Variants in PTBP2 observed in about 807,000 individuals in gnomAD.
PTBP2 encodes the protein polypyrimidine tract-binding protein 2.
Under a neutral mutation model 61.4 loss-of-function variants are expected in PTBP2, and 13 were observed. That is an observed-to-expected ratio of 0.21 (90% confidence interval 0.14 to 0.34). The LOEUF (loss-of-function observed/expected upper bound fraction) is 0.34. Among genes scored for constraint, PTBP2 ranks in the 10% least tolerant of loss-of-function variants. PTBP2 has a pLI of 1.00. For synonymous variants in PTBP2, 215 were observed against 218.5 expected (o/e 0.98, Z 0.14); for missense variants, 405 against 642.6 (o/e 0.63, Z 4.00).
chr1:96,741,282 G>C (rs1390052908), intron 2 of PTBP2, among the ~76,000 whole-genome samples: 1 of 151,816 alleles, frequency 6.6e-6, no homozygotes, highest in African/African-American at 2.4e-5. Context: ...TGTTTTGAGA[G>C]ACAGAGTCTC....
chr1:96,722,426 G>A (rs1198166774), intron 1 of PTBP2, among the ~76,000 whole-genome samples: 3 of 151,706 alleles, frequency 2.0e-5, no homozygotes, highest in Admixed American at 6.6e-5. Flanking sequence ...AAAGCCTAGT[G>A]GGAGCCGCTG....
chr1:96,761,671 A>T (rs1276108626), intron 3 of PTBP2, among the ~76,000 whole-genome samples: 1 of 152,184 alleles, frequency 6.6e-6, no homozygotes, highest in Non-Finnish European at 1.5e-5. Context: ...GGGGAAAAGT[A>T]GGAAAAGGAG....
intron 8 of PTBP2, among the ~76,000 whole-genome samples, chr1:96,794,222 C>T (rs529955465): frequency 6.6e-6 from 1 of 152,182 alleles, no homozygotes; most frequent in South Asian, 2.1e-4. Context: ...TTTTTAAGGC[C>T]AAACAGCCTA....
At chr1:96,727,325 C>T (rs1328551914) in intron 2 of PTBP2, among the ~76,000 whole-genome samples, 3 of 151,708 alleles carry the variant, frequency 2.0e-5, no homozygotes, top group South Asian at 2.1e-4. Context: ...TATTGTTTTC[C>T]GTTTTGAGCT....
Position 96,813,265 on chromosome 1 carries a change from T to G in PTBP2, c.1467-11T>G, listed in dbSNP as rs1662249792. On this transcript the variant is annotated splice_polypyrimidine_tract_variant and intron_variant, in intron 13 of 13. Transcript: ENST00000674951. ...TATGAAGTGTCTAATTTTATAATTT[T>G]GTTTCAGAAGAGATCACAAAATGGC... is the stretch of plus-strand genomic sequence containing the variant. The G allele has an allele frequency of 1.3e-6, 2 of 1,584,340 alleles. No homozygotes were observed. The highest frequency in any genetic ancestry group is 8.5e-7 in the Non-Finnish European group (1 of 1,171,800).
chr1:96,723,450 T>C lies in PTBP2; in HGVS notation c.9-114T>C, dbSNP rs148386635. On this transcript the variant is annotated intron_variant, in intron 1 of 13. Coordinates refer to ENST00000674951, the MANE Select transcript of PTBP2 (RefSeq NM_021190.4). ...GTGGTATTTTTTATCCCCATCTGTG[T>C]GTGAGTGGCTGGAAGATTTATGAAT... 7.2e-4 allele frequency: 554 copies of C among 774,656 alleles called. 6 individuals carry two copies. The African/African-American group carries it at 8.4e-3, about 12-fold the overall frequency. The allele number at this position is 774,656 out of a possible 1,614,324, so 48.0% of individuals were successfully genotyped here.
intron 11 of PTBP2, among the ~76,000 whole-genome samples, chr1:96,809,512 T>A (rs1661832618): frequency 1.4e-5 from 2 of 146,160 alleles, no homozygotes; most frequent in Admixed American, 1.3e-4. Context: ...GTCAGAAGTT[T>A]GTTTGTTTGT....
intron 3 of PTBP2, among the ~76,000 whole-genome samples, chr1:96,753,981 CTGTT>C (rs992552719): frequency 7.9e-5 from 12 of 152,136 alleles, no homozygotes; most frequent in African/African-American, 2.4e-4. Flanking sequence ...AAACATCTAT[CTGTT>C]TGAGATAGTA....
At chr1:96,730,940 T>C (rs907454036) in intron 2 of PTBP2, among the ~76,000 whole-genome samples, 20 of 152,178 alleles carry the variant, frequency 1.3e-4, no homozygotes, top group Admixed American at 1.3e-3. Flanking sequence ...TGCTTGATTG[T>C]TTGGTGTTGT....
intron 8 of PTBP2, among the ~76,000 whole-genome samples, chr1:96,786,413 T>TA (rs1397163074): frequency 6.6e-6 from 1 of 152,132 alleles, no homozygotes; most frequent in African/African-American, 2.4e-5. Flanking sequence ...TTAGGTCACT[T>TA]ACACTCTTTC....
intron 7 of PTBP2, among the ~76,000 whole-genome samples, chr1:96,782,166 A>G (rs1003951342): frequency 3.3e-5 from 5 of 151,922 alleles, no homozygotes; most frequent in African/African-American, 1.2e-4. Context: ...ACATGTCTTT[A>G]TTAGGAATAT....
intron 3 of PTBP2, 24 bp from the exon 4 acceptor site, chr1:96,769,679 G>T: frequency 6.7e-7 from 1 of 1,490,216 alleles, no homozygotes; most frequent in Non-Finnish European, 9.0e-7. Flanking sequence ...TGATATATAA[G>T]GACTGTTTTT....
intron 2 of PTBP2, among the ~76,000 whole-genome samples, chr1:96,745,280 A>G (rs1653602635): frequency 1.3e-5 from 2 of 151,874 alleles, no homozygotes; most frequent in Admixed American, 6.6e-5. Context: ...CTCCTGCCTC[A>G]GCCTCCCGAG....
intron 8 of PTBP2, among the ~76,000 whole-genome samples, chr1:96,791,826 C>CTTTTTTTTGTTTTTTTTTTTTT (rs1482989030): frequency 4.5e-5 from 3 of 66,128 alleles, no homozygotes; most frequent in African/African-American, 8.2e-5. Flanking sequence ...TGGAGTTGTG[C>CTTTTTTTTGTTTTTTTTTTTTT]TTTTTTTTTT....
intron 2 of PTBP2, among the ~76,000 whole-genome samples, chr1:96,745,911 C>G (rs1016222420): frequency 6.6e-6 from 1 of 151,808 alleles, no homozygotes; most frequent in Non-Finnish European, 1.5e-5. Context: ...ACTAAAAATA[C>G]CATAATTAGC....
At chr1:96,772,096 C>G (rs1657448727) in intron 5 of PTBP2, among the ~76,000 whole-genome samples, 1 of 151,974 alleles carries the variant, frequency 6.6e-6, no homozygotes, top group Non-Finnish European at 1.5e-5. Flanking sequence ...AGGTTGAGGG[C>G]TCAGTCCCAC....
In PTBP2 at chr1:96,723,567, C is replaced by T. The variant is rs759697796; in HGVS notation, c.12C>T (p.Ile4=). The T allele has an allele frequency of 3.8e-6, 6 of 1,563,030 alleles. No homozygotes were observed. The highest frequency in any genetic ancestry group is 2.4e-5 in the South Asian group (2 of 83,040). ...ACTACTTATTTTTTCTTTGCAGAAT[C>T]GTCACTGAGGTTGCAGTTGGCGTGA... MDG[I]VTEVAVGVKR... The change falls in exon 2 of 14, where the codon ATC becomes ATT. Residue 4 remains isoleucine (I), a synonymous_variant. Coordinates refer to ENST00000674951, the MANE Select transcript of PTBP2 (RefSeq NM_021190.4).
intron 8 of PTBP2, among the ~76,000 whole-genome samples, chr1:96,795,200 T>C (rs1342881543): frequency 6.6e-6 from 1 of 152,166 alleles, no homozygotes; most frequent in Non-Finnish European, 1.5e-5. Context: ...CTCCAGAGTA[T>C]GTTGGAGAAG....
chr1:96,748,922 A>T (rs1342677878), intron 2 of PTBP2, among the ~76,000 whole-genome samples: 1 of 152,212 alleles, frequency 6.6e-6, no homozygotes, highest in Non-Finnish European at 1.5e-5. Context: ...CAATGCAAAG[A>T]CAGGCATAAT....
Sources: gnomAD v4.1 joint callset for allele counts (sites outside exome capture counted in the v4.1 genomes callset) on GRCh38, gnomAD v4.1.1 for gene constraint, MANE v1.5 for transcripts, NCBI Gene and HGNC (gene_info 2026-07-23, HGNC 2026-07-21) for gene names.